DLGAP2: variants seen among roughly 807,000 people sequenced by gnomAD.
DLGAP2 encodes the protein disks large-associated protein 2.
A neutral mutation model predicts 100.3 loss-of-function variants in DLGAP2; 26 were observed. The ratio of observed to expected loss-of-function variants is 0.26; its 90% confidence interval spans 0.19 to 0.36. DLGAP2 has a LOEUF of 0.36. Ranked by LOEUF, DLGAP2 falls within the 10% of genes least tolerant of loss-of-function variation. The probability of loss-of-function intolerance (pLI) is 1.00; values close to 1 mark genes in which losing one functional copy is unlikely to be tolerated. For synonymous variants in DLGAP2, 886 were observed against 630.1 expected (o/e 1.41, Z -6.08); for missense variants, 1,858 against 1,453.2 (o/e 1.28, Z -4.53).
chr8:1,603,344 G>C (rs1394803133), intron 6 of DLGAP2, among the ~76,000 whole-genome samples: 1 of 151,012 alleles, frequency 6.6e-6, no homozygotes, highest in Non-Finnish European at 1.5e-5. Flanking sequence ...TGGAGGCTGG[G>C]TCTCAGTTCC....
At chr8:974,608 C>A in intron 2 of DLGAP2, among the ~76,000 whole-genome samples, 1 of 152,086 alleles carries the variant, frequency 6.6e-6, no homozygotes, top group East Asian at 1.9e-4. Flanking sequence ...CCAGAAGTTT[C>A]CAAAATATAT....
chr8:1,580,262 A>G (rs1022302850), intron 6 of DLGAP2, among the ~76,000 whole-genome samples: 1 of 152,220 alleles, frequency 6.6e-6, no homozygotes, highest in African/African-American at 2.4e-5. Context: ...CTAAATGGGA[A>G]GCAGTGGAGA....
intron 1 of DLGAP2, among the ~76,000 whole-genome samples, chr8:767,791 A>C (rs532460300): frequency 4.5e-4 from 69 of 152,106 alleles, no homozygotes; most frequent in Non-Finnish European, 9.1e-4. Flanking sequence ...TGGGGTGAGC[A>C]CTCTTGGTAA....
chr8:892,231 C>T (rs1011211854), intron 1 of DLGAP2, among the ~76,000 whole-genome samples: 11 of 152,186 alleles, frequency 7.2e-5, no homozygotes, highest in Admixed American at 2.0e-4. Flanking sequence ...AGCGGGGTCT[C>T]GGGGCAGCCC....
At chr8:755,997 C>A (rs1045095452) in intron 1 of DLGAP2, among the ~76,000 whole-genome samples, 1 of 152,158 alleles carries the variant, frequency 6.6e-6, no homozygotes, top group African/African-American at 2.4e-5. Context: ...GTGCCCTGAG[C>A]CGCTAGGGTC....
chr8:1,491,273 C>G (rs1389446673), intron 3 of DLGAP2, among the ~76,000 whole-genome samples: 2 of 150,596 alleles, frequency 1.3e-5, no homozygotes, highest in Non-Finnish European at 2.9e-5. Flanking sequence ...GCAGCCCTGC[C>G]CAGGAACTGC....
chr8:1,227,220 T>G, intron 2 of DLGAP2, among the ~76,000 whole-genome samples: 1 of 135,956 alleles, frequency 7.4e-6, no homozygotes, highest in African/African-American at 3.3e-5. Context: ...GTTATATATA[T>G]ATTTGTTTTA....
intron 8 of DLGAP2, among the ~76,000 whole-genome samples, chr8:1,657,635 A>C (rs17749439): frequency 6.6e-6 from 1 of 152,226 alleles, no homozygotes; most frequent in Admixed American, 6.5e-5. Context: ...GTACAGGCAC[A>C]ACAAATGTTT....
intron 2 of DLGAP2, among the ~76,000 whole-genome samples, chr8:1,077,033 C>G (rs1412067459): frequency 1.3e-5 from 2 of 151,090 alleles, no homozygotes; most frequent in African/African-American, 4.9e-5. Context: ...CCGGGCCCCC[C>G]CAAGACCAAG....
rs141573085 is a variant in DLGAP2 at position 995,814 on chromosome 8, T to C, written c.73+87848T>C. Among the ~76,000 whole-genome samples, 36 of 149,540 alleles carry C rather than the reference T, an allele frequency of 2.4e-4. No homozygotes were observed. The East Asian group carries it at 7.0e-3, about 29-fold the overall frequency. On this transcript the variant is annotated intron_variant, in intron 2 of 14. Transcript: ENST00000637795. ...CCCCTGTTTGGTGATGCTGGGGTGC[T>C]AACAGCATAGAGACTTGGGGAAGTG...
intron 9 of DLGAP2, among the ~76,000 whole-genome samples, chr8:1,668,952 A>G (rs1798618967): frequency 6.6e-6 from 1 of 151,742 alleles, no homozygotes; most frequent in South Asian, 2.1e-4. Flanking sequence ...CTGAAAATAC[A>G]CTCCGGGCCA....
At chr8:1,352,403 C>A (rs188949034) in intron 3 of DLGAP2, among the ~76,000 whole-genome samples, 18 of 152,238 alleles carry the variant, frequency 1.2e-4, no homozygotes, top group African/African-American at 3.6e-4. Flanking sequence ...TCTTCCTCTC[C>A]CCAGCGACTC....
intron 3 of DLGAP2, among the ~76,000 whole-genome samples, chr8:1,467,315 G>A (rs1253659595): frequency 6.6e-6 from 1 of 151,496 alleles, no homozygotes; most frequent in African/African-American, 2.4e-5. Context: ...TCCTCCTGCA[G>A]TCCCTGTTCC....
chr8:1,520,128 C>G (rs569684459), intron 4 of DLGAP2, among the ~76,000 whole-genome samples: 122 of 152,210 alleles, frequency 8.0e-4, no homozygotes, highest in Non-Finnish European at 1.5e-3. Flanking sequence ...ATACCATGGG[C>G]TATACACCTG....
At chr8:1,195,126 G>C (rs1368097054) in intron 2 of DLGAP2, among the ~76,000 whole-genome samples, 2 of 152,264 alleles carry the variant, frequency 1.3e-5, no homozygotes, top group African/African-American at 2.4e-5. Flanking sequence ...GTGGAGATTA[G>C]ACTGCCCCTG....
chr8:1,576,807 C>G (rs1199568161), intron 6 of DLGAP2, among the ~76,000 whole-genome samples: 1 of 152,174 alleles, frequency 6.6e-6, no homozygotes, highest in Non-Finnish European at 1.5e-5. Flanking sequence ...GGGCTCTGTT[C>G]TGTTCCATTG....
intron 6 of DLGAP2, among the ~76,000 whole-genome samples, chr8:1,624,879 C>CTT (rs1215910371): frequency 6.6e-6 from 1 of 151,900 alleles, no homozygotes; most frequent in Admixed American, 6.6e-5. Flanking sequence ...GTCTCTCTCT[C>CTT]TCTCTCTTTC....
At chr8:834,388 G>T (rs576998421) in intron 1 of DLGAP2, among the ~76,000 whole-genome samples, 1 of 152,312 alleles carries the variant, frequency 6.6e-6, no homozygotes, top group Admixed American at 6.5e-5. Flanking sequence ...GTTCCATGAA[G>T]TTCATAATAG....
chr8:1,531,241 CGTGTGTGT>C lies in DLGAP2; in HGVS notation c.173-17360_173-17353del, dbSNP rs58738870. On this transcript the variant is annotated intron_variant, in intron 4 of 14. Coordinates refer to ENST00000637795, the MANE Select transcript of DLGAP2 (RefSeq NM_001346810.2). ...GTAAGATATTATTAGAGAGCGTGTG[CGTGTGTGT>C]GTGTGTGTGTGTGTGTGTGTGTGTT... Among the ~76,000 whole-genome samples the C allele has an allele frequency of 3.4e-3, 492 of 143,330 alleles. 5 individuals carry two copies. Among genetic ancestry groups the C allele is most frequent in the African/African-American group, 0.012 (462 of 39,822 alleles). 94.0% of individuals were successfully genotyped at this position (143,330 alleles called of 152,430 possible).
Sources: allele counts gnomAD v4.1 joint callset (sites outside exome capture counted in the v4.1 genomes callset), GRCh38; gene constraint gnomAD v4.1.1; transcripts MANE v1.5; gene names NCBI Gene and HGNC (gene_info 2026-07-23, HGNC 2026-07-21).